PCDHGA1: variants seen among roughly 807,000 people sequenced by gnomAD.
PCDHGA1 encodes protocadherin gamma-A1.
A neutral mutation model predicts 58.0 loss-of-function variants in PCDHGA1; 32 were observed. The ratio of observed to expected loss-of-function variants is 0.55; its 90% CI spans 0.42 to 0.74. The LOEUF (loss-of-function observed/expected upper bound fraction) is 0.74, where lower values mean the gene tolerates loss of function less well. Among genes scored for constraint, PCDHGA1 ranks in the 30% least tolerant of loss-of-function variants. The pLI, the probability that PCDHGA1 is intolerant of heterozygous loss-of-function variation, is 0.00. For missense variants in PCDHGA1, 1,205 were observed against 1,182.3 expected (o/e 1.02, Z -0.28); for synonymous variants, 498 against 501.1 (o/e 0.99, Z 0.08).
intron 1 of PCDHGA1, among the ~76,000 whole-genome samples, chr5:141,348,064 T>C (rs1758058458): frequency 6.6e-6 from 1 of 152,238 alleles, no homozygotes. Context: ...TTTTGTCATG[T>C]TCTACAACTT....
At chr5:141,352,737 C>G (rs1759099142) in intron 1 of PCDHGA1, 1 of 1,490,416 alleles carries the variant, frequency 6.7e-7, no homozygotes. Flanking sequence ...AGCCTGTAAT[C>G]CCAGCACTTA....
intron 1 of PCDHGA1, chr5:141,412,149 C>G (rs1369304212): frequency 2.0e-5 from 3 of 152,146 alleles, no homozygotes; most frequent in African/African-American, 7.2e-5. Flanking sequence ...TACAAACTGC[C>G]TAAGAGAAGA....
Position 141,490,732 on chromosome 5 carries a change from G to T in PCDHGA1, c.2422-4075G>T, listed in dbSNP as rs775388969. 4 of 1,614,188 alleles carry T rather than the reference G, an allele frequency of 2.5e-6. No individual in the cohort carries two copies. Among genetic ancestry groups the T allele is most frequent in the Non-Finnish European group, 3.4e-6 (4 of 1,180,042 alleles). ...CACCTACTCCATTGTAGGAAATCAGGTTCAGGGAGCCCCAGCCTCCTCCTT... is the reference window on the plus strand; with the variant it reads ...CACCTACTCCATTGTAGGAAATCAGTTTCAGGGAGCCCCAGCCTCCTCCTT... On this transcript the variant is annotated intron_variant, in intron 1 of 3. Transcript: ENST00000517417. The surrounding 1 kb of genome is among the most constrained non-coding windows in gnomAD (Gnocchi z 5.4).
intron 1 of PCDHGA1, among the ~76,000 whole-genome samples, chr5:141,455,161 T>G (rs6861291): frequency 0.084 from 8,821 of 104,682 alleles, 480 homozygotes; most frequent in African/African-American, 0.22. Context: ...AGTTTGTTGG[T>G]TTTTTTTTTA....
At chr5:141,423,644 A>G in intron 1 of PCDHGA1, 1 of 1,592,866 alleles carries the variant, frequency 6.3e-7, no homozygotes, top group South Asian at 1.1e-5. Context: ...GGCAAATGTG[A>G]CCCGACAAGT....
chr5:141,497,775 A>G (rs2099779384), intron 2 of PCDHGA1, among the ~76,000 whole-genome samples: 2 of 152,054 alleles, frequency 1.3e-5, no homozygotes, highest in South Asian at 4.2e-4. Context: ...CCCGACCTCA[A>G]CTGATCCACC....
chr5:141,384,425 C>T lies in PCDHGA1; in HGVS notation c.2421+51320C>T. ...GTGTCCTCCTATGTCTCCATAAACT[C>T]TGACACTGGAGTCCTGTACGCGCTG... On this transcript the variant is annotated intron_variant, in intron 1 of 3. Coordinates refer to ENST00000517417, the MANE Select transcript of PCDHGA1 (RefSeq NM_018912.3). 1.9e-6 allele frequency: 3 copies of T among 1,613,982 alleles called. No individual in the cohort carries two copies. The South Asian group carries it at 3.3e-5, about 18-fold the overall frequency.
chr5:141,457,680 G>A lies in PCDHGA1; in HGVS notation c.2422-37127G>A, dbSNP rs866876250. 2.6e-5 allele frequency among the ~76,000 whole-genome samples: 4 copies of A among 152,290 alleles called. No individual in the cohort carries two copies. The South Asian group carries it at 8.3e-4, about 32-fold the overall frequency. On this transcript the variant is annotated intron_variant, in intron 1 of 3. Coordinates refer to ENST00000517417, the MANE Select transcript of PCDHGA1 (RefSeq NM_018912.3). The stretch of plus-strand genomic sequence containing the variant: ...AGCAAGAATGGTTATTTCTACATAG[G>A]ACTTTTGGATTGGCTTTGATGAAAC...
intron 1 of PCDHGA1, chr5:141,398,592 A>G: frequency 6.2e-7 from 1 of 1,614,068 alleles, no homozygotes; most frequent in South Asian, 1.1e-5. Flanking sequence ...TTATACTAGA[A>G]GTAGCAGAAG....
intron 1 of PCDHGA1, chr5:141,355,325 G>C: frequency 6.2e-7 from 1 of 1,614,010 alleles, no homozygotes; most frequent in Admixed American, 1.7e-5. Context: ...CAGGAAGAAG[G>C]CTCAGTGGTG....
At chr5:141,495,071 C>A (rs1391869079) in intron 2 of PCDHGA1, among the ~76,000 whole-genome samples, 1 of 152,160 alleles carries the variant, frequency 6.6e-6, no homozygotes, top group Non-Finnish European at 1.5e-5. Flanking sequence ...AAGCTCAATT[C>A]ACATGCTTGC....
In PCDHGA1 at chr5:141,486,128, G is replaced by C. The variant is rs1447222839; in HGVS notation, c.2422-8679G>C. ...TGAGAGTGAGAATTACTATGAATTT[G>C]ATGTGCGGGCTCGCGATGGGGGTTC... is the stretch of plus-strand genomic sequence containing the variant. On this transcript the variant is annotated intron_variant, in intron 1 of 3. Transcript: ENST00000517417. This position sits in a 1 kb window ranked among gnomAD's most constrained non-coding sequence, Gnocchi z 5.0. 6.2e-7 allele frequency: 1 copy of C among 1,614,066 alleles called. No homozygotes were observed. Among genetic ancestry groups the C allele is most frequent in the Non-Finnish European group, 8.5e-7 (1 of 1,180,034 alleles).
chr5:141,374,457 A>G (rs775796857), intron 1 of PCDHGA1: 1 of 1,613,430 alleles, frequency 6.2e-7, no homozygotes. Context: ...GAAATAGTGG[A>G]CATTAATGAC....
In PCDHGA1 at chr5:141,485,178, T is replaced by A; in HGVS notation, c.2422-9629T>A. The stretch of plus-strand genomic sequence containing the variant: ...GAGAATTAGCGGGCGGCAGCAATGC[T>A]CCGCAAGGTGAGAAGCTGGACAGAA... On this transcript the variant is annotated intron_variant, in intron 1 of 3. Transcript: ENST00000517417. This position sits in a 1 kb window ranked among gnomAD's most constrained non-coding sequence, Gnocchi z 5.7. 1.2e-6 allele frequency: 2 copies of A among 1,612,400 alleles called. No homozygotes were observed. Among genetic ancestry groups the A allele is most frequent in the Non-Finnish European group, 1.7e-6 (2 of 1,178,628 alleles).
intron 1 of PCDHGA1, among the ~76,000 whole-genome samples, chr5:141,467,809 C>T (rs1026263094): frequency 6.6e-6 from 1 of 152,056 alleles, no homozygotes. Flanking sequence ...CAGGCACATG[C>T]CACCACACCA....
intron 1 of PCDHGA1, chr5:141,350,437 G>A (rs1353173301): frequency 6.2e-7 from 1 of 1,610,534 alleles, no homozygotes; most frequent in South Asian, 1.1e-5. Context: ...TCCGGGAGTT[G>A]CCAACTCGAA....
At chr5:141,404,107 T>C in intron 1 of PCDHGA1, 1 of 1,613,552 alleles carries the variant, frequency 6.2e-7, no homozygotes, top group Non-Finnish European at 8.5e-7. Flanking sequence ...TTGTCTGTTC[T>C]ATCCAGGAGA....
Position 141,490,479 on chromosome 5 carries a change from C to A in PCDHGA1, c.2422-4328C>A. 6.2e-7 allele frequency: 1 copy of A among 1,614,216 alleles called. No homozygotes were observed. Among genetic ancestry groups the A allele is most frequent in the South Asian group, 1.1e-5 (1 of 91,086 alleles). On this transcript the variant is annotated intron_variant, in intron 1 of 3. Transcript: ENST00000517417. The surrounding 1 kb of genome is among the most constrained non-coding windows in gnomAD (Gnocchi z 5.4). ...CGCTGCTAACCAGCCAGCCTTTGGA[C>A]CGGGAGGCCACATCCCACTATATCA...
chr5:141,430,108 G>A (rs572634913), intron 1 of PCDHGA1, among the ~76,000 whole-genome samples: 1 of 152,190 alleles, frequency 6.6e-6, no homozygotes, highest in South Asian at 2.1e-4. Context: ...AGCGTTACAT[G>A]TCAACAACCT....
Sources: allele counts gnomAD v4.1 joint callset (sites outside exome capture counted in the v4.1 genomes callset), GRCh38; gene constraint gnomAD v4.1.1; non-coding constraint Gnocchi (gnomAD v3.1); transcripts MANE v1.5; gene names NCBI Gene and HGNC (gene_info 2026-07-23, HGNC 2026-07-21).